SLC23A2: variants seen among roughly 807,000 people sequenced by gnomAD.
SLC23A2 encodes solute carrier family 23 member 2, also known as Na(+)/L-ascorbic acid transporter 2.
A neutral mutation model predicts 73.3 loss-of-function variants in SLC23A2; 36 were observed. The ratio of observed to expected loss-of-function variants is 0.49; its 90% CI spans 0.38 to 0.65. The LOEUF is 0.65. SLC23A2 is among the 30% of genes least tolerant of loss of function. SLC23A2 has a pLI of 0.00. For synonymous variants in SLC23A2, 343 were observed against 327.3 expected, an observed-to-expected ratio of 1.05 and a Z score of -0.52; for missense variants, 507 against 841.6, an observed-to-expected ratio of 0.60 and a Z score of 4.92.
intron 1 of SLC23A2, among the ~76,000 whole-genome samples, chr20:4,979,764 T>G (rs982066811): frequency 6.6e-6 from 1 of 152,132 alleles, no homozygotes; most frequent in Non-Finnish European, 1.5e-5. Context: ...ATGTTTCCTA[T>G]GAAACTTTAG....
rs775419798 is a variant in SLC23A2 at position 4,932,589 on chromosome 20, C to T, written c.-27G>A. The T allele has an allele frequency of 2.4e-5, 30 of 1,235,124 alleles. No homozygotes were observed. The highest frequency in any genetic ancestry group is 7.2e-5 in the South Asian group (6 of 83,420). The allele number at this position is 1,235,124 out of a possible 1,614,324, so 76.5% of individuals were successfully genotyped here. Reference sequence around the variant, plus strand: ...AAGAGAAACGAGTAGTTTACACAGCCGTTGGGGAGAGCAGCTGGAAGTGAA... The same window carrying T: ...AAGAGAAACGAGTAGTTTACACAGCTGTTGGGGAGAGCAGCTGGAAGTGAA... On this transcript the variant is annotated 5_prime_UTR_variant, in exon 3 of 17. Transcript: ENST00000338244.
intron 6 of SLC23A2, among the ~76,000 whole-genome samples, chr20:4,888,684 A>T (rs16990338): frequency 0.062 from 9,445 of 152,164 alleles, 939 homozygotes; most frequent in African/African-American, 0.21. Context: ...GCTCCTTCAT[A>T]CGAGTTCATC....
intron 3 of SLC23A2, among the ~76,000 whole-genome samples, chr20:4,920,062 AC>A (rs1288501920): frequency 6.6e-6 from 1 of 152,174 alleles, no homozygotes; most frequent in Non-Finnish European, 1.5e-5. Flanking sequence ...GGAGTTCGAG[AC>A]CAGCCTGGCC....
chr20:4,863,591 C>T lies in SLC23A2; in HGVS notation c.1357-684G>A, dbSNP rs1217853317. ...GAGAGCCGCCCACATGGGCCTGCTG[C>T]CACTGGCCTTTCCTGCACCCATTCC... On this transcript the variant is annotated intron_variant, in intron 13 of 16. Transcript: ENST00000338244. This position sits in a 1 kb window ranked among gnomAD's most constrained non-coding sequence, Gnocchi z 4.8. Among the ~76,000 whole-genome samples, 1 of 152,220 alleles carries T rather than the reference C, an allele frequency of 6.6e-6. No individual in the cohort carries two copies. The highest frequency in any genetic ancestry group is 1.5e-5 in the Non-Finnish European group (1 of 68,042).
intron 6 of SLC23A2, among the ~76,000 whole-genome samples, chr20:4,899,000 A>G (rs1931648873): frequency 6.6e-6 from 1 of 152,164 alleles, no homozygotes; most frequent in African/African-American, 2.4e-5. Flanking sequence ...GAGTGAGGCC[A>G]GGGAAGGCAG....
chr20:4,943,301 G>A (rs1282642302), intron 2 of SLC23A2, among the ~76,000 whole-genome samples: 3 of 151,994 alleles, frequency 2.0e-5, no homozygotes, highest in African/African-American at 7.2e-5. Flanking sequence ...AAAAGGATAC[G>A]AGAGAGAGGA....
At chr20:4,951,879 G>C (rs1182837793) in intron 2 of SLC23A2, among the ~76,000 whole-genome samples, 1 of 151,928 alleles carries the variant, frequency 6.6e-6, no homozygotes, top group Non-Finnish European at 1.5e-5. Flanking sequence ...TGAGGCAGAC[G>C]ATCACCTAAG....
At chr20:4,969,290 T>C (rs1189067111) in intron 2 of SLC23A2, among the ~76,000 whole-genome samples, 1 of 152,042 alleles carries the variant, frequency 6.6e-6, no homozygotes, top group Non-Finnish European at 1.5e-5. Flanking sequence ...GGTTTCTCCA[T>C]GTTGTACAGG....
intron 9 of SLC23A2, among the ~76,000 whole-genome samples, chr20:4,876,550 G>T (rs1223067756): frequency 6.6e-6 from 1 of 152,220 alleles, no homozygotes; most frequent in African/African-American, 2.4e-5. Context: ...CATCTTAACT[G>T]AGCAAAGGGA....
chr20:4,923,341 T>C (rs1300918782), intron 3 of SLC23A2, among the ~76,000 whole-genome samples: 3 of 152,134 alleles, frequency 2.0e-5, no homozygotes, highest in Non-Finnish European at 4.4e-5. Flanking sequence ...TCCCATCGTT[T>C]TGATGTTTTC....
In SLC23A2 at chr20:4,868,236, G is replaced by A. The variant is rs1930287400; in HGVS notation, c.1251-361C>T. Among the ~76,000 whole-genome samples, 1 of 152,058 alleles carries A rather than the reference G, an allele frequency of 6.6e-6. No individual in the cohort carries two copies. The highest frequency in any genetic ancestry group is 1.5e-5 in the Non-Finnish European group (1 of 68,018). On this transcript the variant is annotated intron_variant, in intron 12 of 16. Transcript: ENST00000338244. The surrounding 1 kb of genome is among the most constrained non-coding windows in gnomAD (Gnocchi z 4.4). The stretch of plus-strand genomic sequence containing the variant: ...TTACAGGTTTGCACCACCATGCCTG[G>A]CTAATTTTTGTATTTTTAGTAGAGA...
rs1197082437 is a variant in SLC23A2, at chr20:4,932,508, T to C, written c.55A>G (p.Thr19Ala). ...GCCTCGTCTTCGTATTTGCCTTCTG[T>C]TGAACTTCCAGCCTCCATTGATTTG... ...TSKSMEAGSS[T>A]EGKYEDEAKH... The change falls in exon 3 of 17, where the codon ACA (threonine) becomes GCA (alanine). Residue 19 changes from threonine to alanine, a missense_variant. Physicochemically the swap from Thr to Ala is moderately conservative, Grantham distance 58. Coordinates refer to ENST00000338244, the MANE Select transcript of SLC23A2 (RefSeq NM_005116.6). The C allele has an allele frequency of 1.2e-5, 20 of 1,611,196 alleles. No homozygotes were observed. The highest frequency in any genetic ancestry group is 1.4e-5 in the Non-Finnish European group (17 of 1,177,410).
At chr20:4,861,585 G>A (rs974640462) in intron 15 of SLC23A2, among the ~76,000 whole-genome samples, 6 of 152,092 alleles carry the variant, frequency 3.9e-5, no homozygotes, top group African/African-American at 1.4e-4. Flanking sequence ...ACATCAAATA[G>A]TAGAATAACG....
rs73613640 is a variant in SLC23A2, at chr20:4,914,866, CCCGTCT to C, written c.109-1894_109-1889del. Among the ~76,000 whole-genome samples, 33 of 152,176 alleles carry C rather than the reference CCCGTCT, an allele frequency of 2.2e-4. No individual in the cohort carries two copies. In the East Asian group the frequency reaches 6.0e-3, roughly 28 times the overall value. The stretch of plus-strand genomic sequence containing the variant: ...GACCAGCTGGCCAACACAGTGAAAC[CCCGTCT>C]CTACTAAAAATACAAAAATAAGCCA... On this transcript the variant is annotated intron_variant, in intron 3 of 16. Transcript: ENST00000338244.
chr20:4,959,448 C>T (rs985588250), intron 2 of SLC23A2, among the ~76,000 whole-genome samples: 8 of 152,126 alleles, frequency 5.3e-5, no homozygotes, highest in South Asian at 2.1e-4. Context: ...TGAAACCTTA[C>T]GTTCAGACAA....
At position 4,883,365 on chromosome 20, in the gene SLC23A2, C is replaced by T. The variant is rs1930968202; in HGVS notation, c.824+277G>A. On this transcript the variant is annotated intron_variant, in intron 9 of 16. Coordinates refer to ENST00000338244, the MANE Select transcript of SLC23A2 (RefSeq NM_005116.6). This position sits in a 1 kb window ranked among gnomAD's most constrained non-coding sequence, Gnocchi z 4.5. The stretch of plus-strand genomic sequence containing the variant: ...TTGGCAAGACCTCAAAAGTCAAAAA[C>T]AAATGGCGCCACTACCTTACCCCAC... Among the ~76,000 whole-genome samples, 1 of 152,162 alleles carries T rather than the reference C, an allele frequency of 6.6e-6. No homozygotes were observed. Among genetic ancestry groups the T allele is most frequent in the Admixed American group, 6.5e-5 (1 of 15,282 alleles).
chr20:4,893,195 C>T (rs1338728497), intron 6 of SLC23A2, among the ~76,000 whole-genome samples: 1 of 151,920 alleles, frequency 6.6e-6, no homozygotes, highest in African/African-American at 2.4e-5. Context: ...TCTCAAGTAG[C>T]TGGGACCACA....
chr20:4,985,810 G>A (rs547625272), intron 1 of SLC23A2, among the ~76,000 whole-genome samples: 2 of 152,272 alleles, frequency 1.3e-5, no homozygotes, highest in African/African-American at 4.8e-5. Flanking sequence ...GAAACAGACT[G>A]CGGATTAGTG....
At chr20:4,973,310 C>T (rs1466852153) in intron 1 of SLC23A2, among the ~76,000 whole-genome samples, 1 of 152,186 alleles carries the variant, frequency 6.6e-6, no homozygotes, top group African/African-American at 2.4e-5. Context: ...TAATTAAAAA[C>T]GGCTCCATGA....
Sources: allele counts gnomAD v4.1 joint callset (sites outside exome capture counted in the v4.1 genomes callset), GRCh38; gene constraint gnomAD v4.1.1; non-coding constraint Gnocchi (gnomAD v3.1); transcripts MANE v1.5; gene names NCBI Gene and HGNC (gene_info 2026-07-23, HGNC 2026-07-21).